ASB7: variants seen among roughly 807,000 people sequenced by gnomAD.
ASB7 encodes the protein ankyrin repeat and SOCS box containing 7.
ASB7 carries 4 observed loss-of-function variants against 32.5 expected under a neutral mutation model. The ratio of observed to expected loss-of-function variants is 0.12; its 90% CI spans 0.06 to 0.28. The LOEUF (loss-of-function observed/expected upper bound fraction) is 0.28. Among genes scored for constraint, ASB7 ranks in the 10% least tolerant of loss-of-function variants. The pLI, the probability that ASB7 is intolerant of heterozygous loss-of-function variation, is 1.00. For synonymous variants in ASB7, 172 were observed against 155.6 expected, an observed-to-expected ratio of 1.11 and a Z score of -0.78; for missense variants, 181 against 407.1, an observed-to-expected ratio of 0.44 and a Z score of 4.78.
chr15:100,640,541 G>C (rs1206733308), intron 5 of ASB7, among the ~76,000 whole-genome samples: 1 of 152,170 alleles, frequency 6.6e-6, no homozygotes, highest in Non-Finnish European at 1.5e-5. Context: ...TGGAAGTTCA[G>C]GTGTGTAGAG....
intron 2 of ASB7, among the ~76,000 whole-genome samples, chr15:100,607,525 G>A (rs2039656436): frequency 6.6e-6 from 1 of 152,224 alleles, no homozygotes; most frequent in South Asian, 2.1e-4. Context: ...CATGACGTGT[G>A]TGTATGTTTT....
chr15:100,620,719 A>G (rs2039784332), intron 4 of ASB7, among the ~76,000 whole-genome samples: 1 of 152,254 alleles, frequency 6.6e-6, no homozygotes, highest in African/African-American at 2.4e-5. Context: ...AAATTGTAAC[A>G]AACTCATTAT....
intron 5 of ASB7, among the ~76,000 whole-genome samples, chr15:100,639,904 G>T (rs781097491): frequency 6.6e-6 from 1 of 152,092 alleles, no homozygotes; most frequent in Non-Finnish European, 1.5e-5. Flanking sequence ...GGAAAATATA[G>T]TTCAGAGCTC....
intron 5 of ASB7, among the ~76,000 whole-genome samples, chr15:100,635,121 C>T (rs557765414): frequency 2.0e-5 from 3 of 152,300 alleles, no homozygotes; most frequent in East Asian, 3.9e-4. Context: ...AGGTACAGCA[C>T]TGTTGGGGGG....
rs2039560448 is a variant in ASB7 at position 100,602,760 on chromosome 15, A to T, written c.-559A>T. 1 of 384,318 alleles carries T rather than the reference A, an allele frequency of 2.6e-6. No individual in the cohort carries two copies. The highest frequency in any genetic ancestry group is 4.5e-5 in the Admixed American group (1 of 22,226). 23.8% of individuals were successfully genotyped at this position (384,318 alleles called of 1,614,324 possible). A position where few individuals can be genotyped will look rare whatever the true frequency, so the allele number is the denominator to read the frequency against. On this transcript the variant is annotated 5_prime_UTR_variant, in exon 1 of 6. Coordinates refer to ENST00000332783, the MANE Select transcript of ASB7 (RefSeq NM_198243.3). ...CCGTAGCTGGAAGCCTCCGGCCCGGAGCGCGGCAGCCCCCTGCTCCGAGCC... is the reference window on the plus strand; with the variant it reads ...CCGTAGCTGGAAGCCTCCGGCCCGGTGCGCGGCAGCCCCCTGCTCCGAGCC...
At chr15:100,646,218 G>A (rs1567119467) in intron 5 of ASB7, 1 of 401,510 alleles carries the variant, frequency 2.5e-6, no homozygotes. Context: ...TGTCACCCAG[G>A]CCACATCTGT....
At chr15:100,613,753 T>C (rs1331387927) in intron 4 of ASB7, among the ~76,000 whole-genome samples, 1 of 152,204 alleles carries the variant, frequency 6.6e-6, no homozygotes. Flanking sequence ...CCAGCCTTAC[T>C]TTAAAAAAAG....
intron 5 of ASB7, chr15:100,646,246 C>G (rs1043105051): frequency 5.3e-5 from 21 of 398,204 alleles, no homozygotes; most frequent in Non-Finnish European, 9.0e-5. Context: ...ATCCATGTGT[C>G]CCACAATTGT....
intron 1 of ASB7, 58 bp from the exon 2 acceptor site, chr15:100,603,157 A>C (rs1339318489): frequency 2.6e-6 from 1 of 389,578 alleles, no homozygotes. Flanking sequence ...CCCTTTCCTG[A>C]GCTCCCCCCT....
intron 5 of ASB7, among the ~76,000 whole-genome samples, chr15:100,636,460 T>G (rs919093281): frequency 6.6e-6 from 1 of 152,240 alleles, no homozygotes; most frequent in Non-Finnish European, 1.5e-5. Context: ...GTGTCTCCTG[T>G]ACATCATCCC....
chr15:100,627,865 T>C (rs1277286388), intron 4 of ASB7, among the ~76,000 whole-genome samples: 2 of 150,774 alleles, frequency 1.3e-5, no homozygotes, highest in African/African-American at 5.0e-5. Context: ...GGGCATCTTG[T>C]AGATTTCACG....
intron 5 of ASB7, among the ~76,000 whole-genome samples, chr15:100,631,739 C>T (rs966580516): frequency 2.0e-4 from 30 of 152,136 alleles, no homozygotes; most frequent in African/African-American, 6.8e-4. Context: ...CCTTAGTGTC[C>T]TCACCTTCAA....
chr15:100,620,355 T>G (rs1392771774), intron 4 of ASB7, among the ~76,000 whole-genome samples: 2 of 152,244 alleles, frequency 1.3e-5, no homozygotes, highest in Non-Finnish European at 2.9e-5. Flanking sequence ...TTGTTGACAC[T>G]GTGCTAGGGA....
In ASB7 at chr15:100,602,754, G is replaced by C; in HGVS notation, c.-565G>C. On this transcript the variant is annotated 5_prime_UTR_variant, in exon 1 of 6. Coordinates refer to ENST00000332783, the MANE Select transcript of ASB7 (RefSeq NM_198243.3). Reference sequence around the variant, plus strand: ...GTCCCTCCGTAGCTGGAAGCCTCCGGCCCGGAGCGCGGCAGCCCCCTGCTC... The same window carrying C: ...GTCCCTCCGTAGCTGGAAGCCTCCGCCCCGGAGCGCGGCAGCCCCCTGCTC... 2.6e-6 allele frequency: 1 copy of C among 382,654 alleles called. No individual in the cohort carries two copies. Among genetic ancestry groups the C allele is most frequent in the Non-Finnish European group, 4.6e-6 (1 of 216,474 alleles). The allele number at this position is 382,654 out of a possible 1,614,324, so 23.7% of individuals were successfully genotyped here.
At chr15:100,610,419 C>T (rs376306754) in intron 3 of ASB7, among the ~76,000 whole-genome samples, 7 of 151,122 alleles carry the variant, frequency 4.6e-5, no homozygotes, top group South Asian at 2.1e-4. Context: ...GGTGTGAACC[C>T]GGGAGGTGGA....
intron 4 of ASB7, among the ~76,000 whole-genome samples, chr15:100,616,628 T>C (rs2039745800): frequency 6.6e-6 from 1 of 152,244 alleles, no homozygotes; most frequent in Non-Finnish European, 1.5e-5. Context: ...TGTGGTTCCA[T>C]TTCTGAGTTT....
intron 5 of ASB7, among the ~76,000 whole-genome samples, chr15:100,635,447 A>G (rs2039915673): frequency 6.6e-6 from 1 of 152,102 alleles, no homozygotes; most frequent in Non-Finnish European, 1.5e-5. Context: ...AACTGAGGTA[A>G]ACAGTCCTTT....
intron 5 of ASB7, among the ~76,000 whole-genome samples, chr15:100,631,345 A>G (rs1437925825): frequency 6.6e-6 from 1 of 152,218 alleles, no homozygotes; most frequent in Middle Eastern, 3.2e-3. Context: ...AATGGCCACA[A>G]GTGCCTGGTG....
intron 4 of ASB7, among the ~76,000 whole-genome samples, chr15:100,628,583 C>A (rs2141399220): frequency 6.6e-6 from 1 of 152,290 alleles, no homozygotes; most frequent in Non-Finnish European, 1.5e-5. Flanking sequence ...CTTCTGCCCC[C>A]AGCCAGGGAT....
Sources: gnomAD v4.1 joint callset for allele counts (sites outside exome capture counted in the v4.1 genomes callset) on GRCh38, gnomAD v4.1.1 for gene constraint, MANE v1.5 for transcripts, NCBI Gene and HGNC (gene_info 2026-07-23, HGNC 2026-07-21) for gene names.